The following WDR45 variants were observed in gnomAD, a reference collection of about 807,000 sequenced individuals.
WDR45 encodes WD repeat domain 45.
Under a neutral mutation model 27.3 loss-of-function variants are expected in WDR45, and 2 were observed. That is an observed-to-expected ratio of 0.07 (90% confidence interval 0.03 to 0.23). The LOEUF (loss-of-function observed/expected upper bound fraction) is 0.23, where lower values mean the gene tolerates loss of function less well. Among genes scored for constraint, WDR45 ranks in the 10% least tolerant of loss-of-function variants. WDR45 has a pLI of 1.00. For synonymous variants in WDR45, 99 were observed against 119.2 expected, an observed-to-expected ratio of 0.83 and a Z score of 1.11; for missense variants, 175 against 311.9, an observed-to-expected ratio of 0.56 and a Z score of 3.31.
At chrX:49,075,842 A>C in intron 7 of WDR45, 24 bp downstream of exon 7, 1 of 1,206,077 alleles carries the variant, frequency 8.3e-7, no homozygotes, top group Non-Finnish European at 1.1e-6. Flanking sequence ...CAACCTACCC[A>C]CCCTTGTCCA....
rs781923487 is a variant in WDR45, at chrX:49,094,309, A to C, written c.-18+5896T>G. Among the ~76,000 whole-genome samples, 38 of 110,668 alleles carry C rather than the reference A, an allele frequency of 3.4e-4. 1 individual carries two copies. In the South Asian group the frequency reaches 0.014, roughly 40 times the overall value. Reference sequence around the variant, plus strand: ...CATGGCAAAATCCCGTCTTTACTAAAATTGCAAAAATTAGCCATGCGTGGT... The same window carrying C: ...CATGGCAAAATCCCGTCTTTACTAACATTGCAAAAATTAGCCATGCGTGGT... On this transcript the variant is annotated intron_variant, in intron 2 of 11. Transcript: ENST00000356463.
chrX:49,078,857 G>A lies in WDR45; in HGVS notation c.-17-745C>T, dbSNP rs185337382. Among the ~76,000 whole-genome samples, 15 of 112,431 alleles carry A rather than the reference G, an allele frequency of 1.3e-4. No individual in the cohort carries two copies. In the East Asian group the frequency reaches 3.1e-3, roughly 23 times the overall value. On this transcript the variant is annotated intron_variant, in intron 1 of 10. Coordinates refer to ENST00000376372, the MANE Select transcript of WDR45 (RefSeq NM_001029896.2). ...CAATAAATAGACAAAAGTGGGCTAGGAGATGCACTTCTTGTACCTCCCTGA... is the reference window on the plus strand; with the variant it reads ...CAATAAATAGACAAAAGTGGGCTAGAAGATGCACTTCTTGTACCTCCCTGA...
chrX:49,074,986 A>G, intron 10 of WDR45, 74 bp from the exon 11 acceptor site: 5 of 1,125,214 alleles, frequency 4.4e-6, no homozygotes, highest in Non-Finnish European at 6.1e-6. Flanking sequence ...GCATCTCAGG[A>G]CCTAGGGTCT....
intron 2 of WDR45, among the ~76,000 whole-genome samples, chrX:49,099,975 A>AT (rs782309443): frequency 7.3e-5 from 8 of 108,901 alleles, no homozygotes; most frequent in Non-Finnish European, 1.3e-4. Context: ...AATTAAGGGA[A>AT]TTTTTTCCCA....
intron 1 of WDR45, chrX:49,078,970 C>T (rs1261263908): frequency 9.0e-6 from 1 of 111,672 alleles, no homozygotes; most frequent in African/African-American, 3.3e-5. Context: ...CCTATTTGAC[C>T]ACCCCAGAGT....
chrX:49,083,319 T>TG (rs1569523716), upstream of WDR45, among the ~76,000 whole-genome samples: 1 of 100,371 alleles, frequency 1.0e-5, no homozygotes, highest in African/African-American at 3.7e-5. Flanking sequence ...GCCTCTCGTT[T>TG]TTTTTTTTTT....
chrX:49,076,352 C>T (rs1161521188), intron 6 of WDR45, 78 bp downstream of exon 6: 2 of 1,045,661 alleles, frequency 1.9e-6, no homozygotes, highest in Non-Finnish European at 2.7e-6. Flanking sequence ...AGTGCCCCTT[C>T]CTTTCTTTCC....
At chrX:49,077,038 C>G in intron 4 of WDR45, 2 of 329,727 alleles carry the variant, frequency 6.1e-6, no homozygotes, top group East Asian at 5.6e-5. Flanking sequence ...GACTCACACT[C>G]AGGCCTGTAA....
chrX:49,091,859 G>A (rs1297302268), intron 2 of WDR45, among the ~76,000 whole-genome samples: 1 of 105,548 alleles, frequency 9.5e-6, no homozygotes, highest in Non-Finnish European at 1.9e-5. Flanking sequence ...TGCCAGGCGC[G>A]GTGGCTCACG....
At chrX:49,075,806 A>G in intron 7 of WDR45, 53 bp from the exon 8 acceptor site, 3 of 1,196,667 alleles carry the variant, frequency 2.5e-6, no homozygotes, top group Non-Finnish European at 3.4e-6. Context: ...GGAAGGGGCC[A>G]AGAGTCCACA....
At position 49,077,742 on chromosome X, in the gene WDR45, C is replaced by T. The variant is rs1326742832; in HGVS notation, c.136G>A (p.Glu46Lys). 9 of 1,198,687 alleles carry T rather than the reference C, an allele frequency of 7.5e-6. No homozygotes were observed. The highest frequency in any genetic ancestry group is 3.0e-5 in the East Asian group (1 of 33,186). ...ACCAAGCCCATGCTGCCCACCTGCT[C>T]GTGGTCTGGACAGGGACCAGGGTGT... is the stretch of plus-strand genomic sequence containing the variant. ...PLMEKGHLDH[E>K]QVGSMGLVEM... The change falls in exon 4 of 11, where the codon GAG becomes AAG. Residue 46 changes from glutamate to lysine, a missense_variant. Glu to Lys is a moderately conservative substitution (Grantham distance 56). Transcript: ENST00000376372.
intron 2 of WDR45, chrX:49,100,144 T>C (rs1557087912): frequency 9.0e-6 from 1 of 111,672 alleles, no homozygotes; most frequent in Non-Finnish European, 1.9e-5. Flanking sequence ...AAATCATGGA[T>C]TTATACATAT....
In WDR45 at chrX:49,076,495, T is replaced by C; in HGVS notation, c.371A>G (p.Tyr124Cys). ...GGGATTGTCGGGGAAGGAGTACACA[T>C]AGATGCGGTTCTTCAGCACGATCAC... is the stretch of plus-strand genomic sequence containing the variant. ...KIVIVLKNRIYVYSFPDNPRK... is the reference protein window; with the variant it reads ...KIVIVLKNRICVYSFPDNPRK... The change falls in exon 6 of 11, where the codon TAT (tyrosine) becomes TGT (cysteine). Residue 124 changes from tyrosine to cysteine, a missense_variant. Transcript: ENST00000376372. The C allele has an allele frequency of 5.0e-6, 6 of 1,211,815 alleles. No homozygotes were observed. Among genetic ancestry groups the C allele is most frequent in the Non-Finnish European group, 6.7e-6 (6 of 895,516 alleles).
rs1557083928 is a variant in WDR45, at chrX:49,075,298, C to T, written c.828-17G>A. On this transcript the variant is annotated splice_polypyrimidine_tract_variant and intron_variant, in intron 9 of 10. Transcript: ENST00000376372. ...CGAGCCAGCCTGCAGGCAGCACTGG[C>T]TAAGCCCAGGTATGGTAAATGGGCA... 8.3e-7 allele frequency: 1 copy of T among 1,210,484 alleles called. No homozygotes were observed.
chrX:49,083,092 C>A (rs1438994587), upstream of WDR45, among the ~76,000 whole-genome samples: 11 of 110,990 alleles, frequency 9.9e-5, no homozygotes, highest in African/African-American at 3.3e-4. Context: ...GTTGGTCAGG[C>A]TGGTCTCGAA....
intron 2 of WDR45, among the ~76,000 whole-genome samples, chrX:49,087,212 C>G (rs1302482817): frequency 9.1e-6 from 1 of 110,168 alleles, no homozygotes; most frequent in African/African-American, 3.3e-5. Context: ...ACAAAATTAG[C>G]CGGGCATGGT....
chrX:49,099,793 AC>A (rs1240324392), intron 2 of WDR45, among the ~76,000 whole-genome samples: 1,015 of 96,915 alleles, frequency 0.01, 133 homozygotes, highest in African/African-American at 0.04. Flanking sequence ...AAAAAAAAAA[AC>A]AAAAAAAAAC....
chrX:49,076,838 G>A (rs1253001071), intron 4 of WDR45, 88 bp from the exon 5 acceptor site: 2 of 747,129 alleles, frequency 2.7e-6, no homozygotes, highest in African/African-American at 4.2e-5. Flanking sequence ...GCTTCCCAGG[G>A]ACCTCAACCT....
chrX:49,082,902 C>T (rs1395783351), upstream of WDR45, among the ~76,000 whole-genome samples: 1 of 101,555 alleles, frequency 9.8e-6, no homozygotes, highest in Admixed American at 1.1e-4. Context: ...TTTTTTGAGA[C>T]GGAGTCTCGC....
Sources: allele counts gnomAD v4.1 joint callset (sites outside exome capture counted in the v4.1 genomes callset), GRCh38; gene constraint gnomAD v4.1.1; transcripts MANE v1.5; gene names NCBI Gene and HGNC (gene_info 2026-07-23, HGNC 2026-07-21).